The following LOC400499 variants were observed in gnomAD, a reference collection of about 807,000 sequenced individuals.
chr16:11,464,928 G>A, the LOC400499 span, among the ~76,000 whole-genome samples: 2 of 152,214 alleles, frequency 1.3e-5, no homozygotes, highest in African/African-American at 2.4e-5. Context: ...CATCAGGCAG[G>A]TGGAGCTTTA....
chr16:11,451,242 C>T, the LOC400499 span, among the ~76,000 whole-genome samples: 754 of 152,304 alleles, frequency 5.0e-3, 3 homozygotes, highest in African/African-American at 0.017. Flanking sequence ...CTGGTAATCA[C>T]TGTACCATTC....
chr16:11,522,569 T>C, the LOC400499 span, among the ~76,000 whole-genome samples: 2 of 152,178 alleles, frequency 1.3e-5, no homozygotes, highest in Non-Finnish European at 2.9e-5. Context: ...ATCACCCCAG[T>C]TGAGAAGCAT....
the LOC400499 span, chr16:11,387,334 G>A: frequency 3.4e-5 from 42 of 1,229,958 alleles, no homozygotes; most frequent in South Asian, 4.1e-4. Flanking sequence ...GTGCCTGCCC[G>A]AGCCTTGCTT....
At chr16:11,374,654 C>G in the LOC400499 span, among the ~76,000 whole-genome samples, 3 of 152,064 alleles carry the variant, frequency 2.0e-5, no homozygotes, top group Non-Finnish European at 2.9e-5. Flanking sequence ...TAGCGTGTGT[C>G]AGAATTTCCT....
the LOC400499 span, among the ~76,000 whole-genome samples, chr16:11,407,984 T>G: frequency 1.4e-5 from 2 of 141,854 alleles, no homozygotes; most frequent in Admixed American, 7.0e-5. Context: ...TTTTTTTTTT[T>G]TTTTTTTTTT....
At chr16:11,504,562 C>CCA in the LOC400499 span, among the ~76,000 whole-genome samples, 6 of 151,026 alleles carry the variant, frequency 4.0e-5, no homozygotes, top group African/African-American at 1.2e-4. Flanking sequence ...TCCCCCCCCC[C>CCA]AAAAAAAAGA....
At chr16:11,424,350 G>A in the LOC400499 span, 1 of 399,744 alleles carries the variant, frequency 2.5e-6, no homozygotes, top group Non-Finnish European at 4.4e-6. Context: ...GAGTCCTGGG[G>A]GAAGAGGCCA....
At chr16:11,475,003 G>A in the LOC400499 span, among the ~76,000 whole-genome samples, 5 of 152,288 alleles carry the variant, frequency 3.3e-5, no homozygotes, top group African/African-American at 1.2e-4. Context: ...TTAAATATTT[G>A]CGCAGCTATT....
chr16:11,381,943 T>G, the LOC400499 span, among the ~76,000 whole-genome samples: 4 of 135,424 alleles, frequency 3.0e-5, no homozygotes, highest in African/African-American at 1.1e-4. Context: ...GTTTTCATTC[T>G]GGAATTTTTT....
chr16:11,514,310 C>G, the LOC400499 span: 2 of 398,916 alleles, frequency 5.0e-6, no homozygotes, highest in African/African-American at 2.1e-5. Context: ...CTGGCCAGAC[C>G]CCCTCATGCC....
At chr16:11,515,477 A>G in the LOC400499 span, among the ~76,000 whole-genome samples, 1 of 145,114 alleles carries the variant, frequency 6.9e-6, no homozygotes, top group African/African-American at 2.9e-5. Context: ...ATACATACGT[A>G]CGTACATACA....
chr16:11,418,043 AGAGAAAACGCG>A, the LOC400499 span, among the ~76,000 whole-genome samples: 1 of 152,232 alleles, frequency 6.6e-6, no homozygotes, highest in Non-Finnish European at 1.5e-5. Context: ...AGGAGACCGT[AGAGAAAACGCG>A]GAGAAACCAA....
At chr16:11,394,775 G>A in the LOC400499 span, among the ~76,000 whole-genome samples, 6 of 152,304 alleles carry the variant, frequency 3.9e-5, no homozygotes, top group South Asian at 2.1e-4. Flanking sequence ...CACCACAGCC[G>A]TGGGTCCTGG....
At chr16:11,485,496 G>C in the LOC400499 span, among the ~76,000 whole-genome samples, 6 of 152,180 alleles carry the variant, frequency 3.9e-5, no homozygotes, top group East Asian at 1.2e-3. Flanking sequence ...ATGGGGGGGA[G>C]GGTTTCAAAA....
the LOC400499 span, among the ~76,000 whole-genome samples, chr16:11,426,896 CAAAA>C: frequency 2.2e-3 from 230 of 105,940 alleles, 1 homozygote; most frequent in African/African-American, 7.8e-3. Context: ...GACCCCATCT[CAAAA>C]AAAAAAAAAA....
chr16:11,387,018 A>C, the LOC400499 span: 1 of 994,544 alleles, frequency 1.0e-6, no homozygotes, highest in Non-Finnish European at 1.3e-6. Context: ...TGGGCCTGGC[A>C]CTGTGATGCT....
At chr16:11,419,135 C>T in the LOC400499 span, among the ~76,000 whole-genome samples, 2 of 152,104 alleles carry the variant, frequency 1.3e-5, no homozygotes, top group East Asian at 1.9e-4. Context: ...TACTGTACTC[C>T]AGCCTGGGTG....
At chr16:11,483,975 G>A in the LOC400499 span, among the ~76,000 whole-genome samples, 2 of 149,192 alleles carry the variant, frequency 1.3e-5, no homozygotes, top group East Asian at 2.0e-4. Flanking sequence ...GGGGACAGAG[G>A]AGAAGCAGGA....
chr16:11,434,601 G>A, the LOC400499 span, among the ~76,000 whole-genome samples: 1 of 152,196 alleles, frequency 6.6e-6, no homozygotes, highest in Non-Finnish European at 1.5e-5. Flanking sequence ...GAATTATCCT[G>A]TACTGAGCAT....
Sources: gnomAD v4.1 joint callset for allele counts (sites outside exome capture counted in the v4.1 genomes callset) on GRCh38, gnomAD v4.1.1 for gene constraint, MANE v1.5 for transcripts.